CCSER1: variants seen among roughly 807,000 people sequenced by gnomAD.
The protein encoded by CCSER1 is serine-rich coiled-coil domain-containing protein 1.
In CCSER1, 41 loss-of-function variants were observed where a neutral mutation model predicts 82.0. The observed-to-expected ratio is 0.50, with a 90% CI of 0.39 to 0.65. CCSER1 has a LOEUF of 0.65. Ranked by LOEUF, CCSER1 falls within the 30% of genes least tolerant of loss-of-function variation. The pLI, the probability that CCSER1 is intolerant of heterozygous loss-of-function variation, is 0.00. For synonymous variants in CCSER1, 414 were observed against 383.9 expected (o/e 1.08, Z -0.92); for missense variants, 1,119 against 1,064.2 (o/e 1.05, Z -0.72).
At chr4:90,184,013 C>A (rs547166033) in intron 1 of CCSER1, among the ~76,000 whole-genome samples, 71 of 152,136 alleles carry the variant, frequency 4.7e-4, no homozygotes, top group Middle Eastern at 3.4e-3. Context: ...TAAAGCATAT[C>A]AAAATGGAAA....
intron 10 of CCSER1, among the ~76,000 whole-genome samples, chr4:91,514,027 A>T (rs1759968584): frequency 6.6e-6 from 1 of 151,172 alleles, no homozygotes; most frequent in Non-Finnish European, 1.5e-5. Flanking sequence ...TTGTTTTTCC[A>T]TTTCCTCTAT....
intron 1 of CCSER1, among the ~76,000 whole-genome samples, chr4:90,271,863 T>TGTATATATATATATATATATATATATA (rs61116868): frequency 5.1e-5 from 1 of 19,792 alleles, no homozygotes; most frequent in African/African-American, 3.1e-4. Flanking sequence ...TATATATATA[T>TGTATATATATATATATATATATATATA]TTTTTTTTTT....
intron 7 of CCSER1, among the ~76,000 whole-genome samples, chr4:90,805,616 G>C (rs571829499): frequency 6.6e-6 from 1 of 151,910 alleles, no homozygotes; most frequent in Non-Finnish European, 1.5e-5. Context: ...ACTAGCAAAG[G>C]GTTTATAGCT....
intron 10 of CCSER1, among the ~76,000 whole-genome samples, chr4:91,462,338 G>C (rs185372893): frequency 6.6e-6 from 1 of 152,094 alleles, no homozygotes; most frequent in Non-Finnish European, 1.5e-5. Context: ...TTATATTTTT[G>C]ATAAATATTT....
At chr4:90,780,809 C>G in intron 7 of CCSER1, 1 of 1,082,536 alleles carries the variant, frequency 9.2e-7, no homozygotes, top group Non-Finnish European at 1.1e-6. Context: ...TATGCGTGAT[C>G]TTTTAGAGAC....
At chr4:90,746,746 A>G (rs199513829) in intron 7 of CCSER1, among the ~76,000 whole-genome samples, 1 of 152,236 alleles carries the variant, frequency 6.6e-6, no homozygotes, top group East Asian at 1.9e-4. Context: ...TTCCATAACC[A>G]AGCACTGAAA....
At chr4:91,440,679 G>A (rs530928351) in intron 10 of CCSER1, among the ~76,000 whole-genome samples, 2 of 152,206 alleles carry the variant, frequency 1.3e-5, no homozygotes, top group South Asian at 4.2e-4. Flanking sequence ...ATGAATCCAG[G>A]AGCTGTTTTT....
At chr4:90,585,870 T>C (rs540199903) in intron 5 of CCSER1, among the ~76,000 whole-genome samples, 1 of 152,344 alleles carries the variant, frequency 6.6e-6, no homozygotes, top group Non-Finnish European at 1.5e-5. Flanking sequence ...CGGTCTCTTA[T>C]GTGTCAGACA....
chr4:90,492,549 G>A (rs1768221210), intron 5 of CCSER1, among the ~76,000 whole-genome samples: 3 of 151,940 alleles, frequency 2.0e-5, no homozygotes, highest in African/African-American at 4.8e-5. Flanking sequence ...GTTATTTCTT[G>A]CCTTCTGTTA....
chr4:90,474,975 T>C (rs936719106), intron 5 of CCSER1, among the ~76,000 whole-genome samples: 1 of 152,132 alleles, frequency 6.6e-6, no homozygotes, highest in Admixed American at 6.6e-5. Context: ...TTAGTAATAG[T>C]TTAATGAATG....
intron 1 of CCSER1, among the ~76,000 whole-genome samples, chr4:90,218,395 C>T (rs1217346187): frequency 6.6e-6 from 1 of 151,998 alleles, no homozygotes; most frequent in Non-Finnish European, 1.5e-5. Flanking sequence ...ATCATTTGTA[C>T]CCCAAAACCC....
At chr4:91,319,590 A>T in intron 10 of CCSER1, 2 of 448,036 alleles carry the variant, frequency 4.5e-6, no homozygotes, top group Admixed American at 4.8e-5. Flanking sequence ...TGTCACAAAG[A>T]AGCAATAGTT....
At chr4:90,656,216 T>C (rs890553735) in intron 6 of CCSER1, among the ~76,000 whole-genome samples, 2 of 151,918 alleles carry the variant, frequency 1.3e-5, no homozygotes, top group African/African-American at 4.8e-5. Context: ...GATCTTTATT[T>C]CCATGTTTTC....
intron 5 of CCSER1, among the ~76,000 whole-genome samples, chr4:90,555,393 T>A (rs1483611945): frequency 2.0e-5 from 3 of 152,126 alleles, no homozygotes; most frequent in African/African-American, 7.2e-5. Flanking sequence ...TGTTGGTATT[T>A]AATATTTTGA....
At chr4:91,497,748 A>T (rs534234152) in intron 10 of CCSER1, among the ~76,000 whole-genome samples, 1 of 152,052 alleles carries the variant, frequency 6.6e-6, no homozygotes, top group African/African-American at 2.4e-5. Context: ...AAACAGATGT[A>T]TAGTATTCAC....
In CCSER1 at chr4:91,571,599, A is replaced by T. The variant is rs372380123; in HGVS notation, c.2218-26973A>T. On this transcript the variant is annotated intron_variant, in intron 10 of 10. Transcript: ENST00000509176. ...CCATAAGATCTTATGAGAACTCACT[A>T]TCATGAGATCAGCATGGGGGAAAAC... is the stretch of plus-strand genomic sequence containing the variant. 1.5e-4 allele frequency among the ~76,000 whole-genome samples: 23 copies of T among 152,286 alleles called. No homozygotes were observed. In the East Asian group the frequency reaches 4.5e-3, roughly 30 times the overall value.
At chr4:91,187,243 G>T (rs1734629698) in intron 10 of CCSER1, among the ~76,000 whole-genome samples, 1 of 152,204 alleles carries the variant, frequency 6.6e-6, no homozygotes, top group Non-Finnish European at 1.5e-5. Flanking sequence ...TGCTCACACT[G>T]GAAGCTGTAG....
chr4:91,496,564 G>GTGTATA (rs1553946156), intron 10 of CCSER1, among the ~76,000 whole-genome samples: 1 of 17,630 alleles, frequency 5.7e-5, no homozygotes, highest in African/African-American at 1.4e-4. Flanking sequence ...CATAAATCTT[G>GTGTATA]TATATATATA....
chr4:90,353,730 C>A (rs1743912904), intron 3 of CCSER1, among the ~76,000 whole-genome samples: 3 of 152,196 alleles, frequency 2.0e-5, no homozygotes, highest in Admixed American at 2.0e-4. Context: ...ACAATATCCA[C>A]TGCAGGAAAG....
Sources: allele counts gnomAD v4.1 joint callset (sites outside exome capture counted in the v4.1 genomes callset), GRCh38; gene constraint gnomAD v4.1.1; transcripts MANE v1.5; gene names NCBI Gene and HGNC (gene_info 2026-07-23, HGNC 2026-07-21).